The following GPHN variants were observed in gnomAD, a reference collection of about 807,000 sequenced individuals.
The protein encoded by GPHN is gephyrin.
In GPHN, 17 loss-of-function variants were observed where a neutral mutation model predicts 95.5. The ratio of observed to expected loss-of-function variants is 0.18; its 90% CI spans 0.12 to 0.27. GPHN has a LOEUF of 0.27. GPHN is among the 10% of genes least tolerant of loss of function. The probability of loss-of-function intolerance (pLI) is 1.00; values close to 1 mark genes in which losing one functional copy is unlikely to be tolerated. For synonymous variants in GPHN, 320 were observed against 322.5 expected, an observed-to-expected ratio of 0.99 and a Z score of 0.08; for missense variants, 660 against 978.1, an observed-to-expected ratio of 0.67 and a Z score of 4.34.
chr14:66,948,365 A>ATT (rs1491304823), intron 8 of GPHN, among the ~76,000 whole-genome samples: 1 of 152,178 alleles, frequency 6.6e-6, no homozygotes, highest in Non-Finnish European at 1.5e-5. Flanking sequence ...GTCATACTTC[A>ATT]TATGTTTGCC....
the GPHN span, among the ~76,000 whole-genome samples, chr14:67,601,048 C>T: frequency 1.4e-4 from 21 of 152,160 alleles, no homozygotes; most frequent in African/African-American, 4.6e-4. Flanking sequence ...AGTCTCTGCC[C>T]TCGGGCAGCT....
intron 21 of GPHN, among the ~76,000 whole-genome samples, chr14:67,177,634 G>A (rs1274330970): frequency 6.6e-6 from 1 of 152,166 alleles, no homozygotes; most frequent in Non-Finnish European, 1.5e-5. Context: ...GGATATCCTT[G>A]TTACTTTTCT....
chr14:67,147,772 G>A (rs921433921), intron 18 of GPHN, among the ~76,000 whole-genome samples: 3 of 152,096 alleles, frequency 2.0e-5, no homozygotes, highest in African/African-American at 4.8e-5. Flanking sequence ...GGAACTTCCC[G>A]TAAAGCAAAC....
the GPHN span, chr14:67,692,361 G>A: frequency 6.7e-7 from 1 of 1,501,748 alleles, no homozygotes; most frequent in Non-Finnish European, 9.1e-7. Context: ...ATGAGGAAGA[G>A]GGACCTTTTC....
intron 2 of GPHN, among the ~76,000 whole-genome samples, chr14:66,698,980 A>G (rs1395896894): frequency 6.6e-6 from 1 of 152,156 alleles, no homozygotes; most frequent in Non-Finnish European, 1.5e-5. Flanking sequence ...AAGTTTATTG[A>G]CCCGTGGTGT....
chr14:67,722,146 C>T, the GPHN span, among the ~76,000 whole-genome samples: 1 of 152,184 alleles, frequency 6.6e-6, no homozygotes, highest in Non-Finnish European at 1.5e-5. Context: ...GTTAACTGCT[C>T]TTCTGACGTC....
At chr14:67,657,363 G>A in the GPHN span, among the ~76,000 whole-genome samples, 1 of 152,186 alleles carries the variant, frequency 6.6e-6, no homozygotes. Context: ...CTGCCACACT[G>A]GGGGTGATTT....
chr14:67,227,986 A>G, the GPHN span, among the ~76,000 whole-genome samples: 1 of 152,136 alleles, frequency 6.6e-6, no homozygotes, highest in African/African-American at 2.4e-5. Flanking sequence ...CCTGGCCAAC[A>G]TGGTGAAACC....
chr14:67,393,208 G>A, the GPHN span: 28 of 1,613,946 alleles, frequency 1.7e-5, no homozygotes, highest in Middle Eastern at 1.7e-4. Flanking sequence ...AACGGATTCC[G>A]GTGTTGCTAT....
At chr14:66,666,950 G>A (rs896178977) in intron 1 of GPHN, among the ~76,000 whole-genome samples, 5 of 152,210 alleles carry the variant, frequency 3.3e-5, no homozygotes, top group Admixed American at 6.5e-5. Context: ...CTCAGGATAC[G>A]CAATTAATGT....
chr14:67,063,646 C>A (rs1384770282), intron 11 of GPHN, among the ~76,000 whole-genome samples: 2 of 152,228 alleles, frequency 1.3e-5, no homozygotes, highest in Non-Finnish European at 2.9e-5. Flanking sequence ...AGGTCCTTCA[C>A]ATCCCTTGTA....
chr14:66,670,322 A>C (rs1677634564), intron 1 of GPHN, among the ~76,000 whole-genome samples: 1 of 152,208 alleles, frequency 6.6e-6, no homozygotes, highest in Non-Finnish European at 1.5e-5. Context: ...GTAGAACTTG[A>C]GTTTTAATAT....
In GPHN at chr14:66,683,374, A is replaced by ATATGTTCATATATATG. The variant is rs2067104192; in HGVS notation, c.143+2192_143+2193insGTTCATATATATGTAT. 4.1e-5 allele frequency among the ~76,000 whole-genome samples: 5 copies of ATATGTTCATATATATG among 121,634 alleles called. 1 individual carries two copies. Among genetic ancestry groups the ATATGTTCATATATATG allele is most frequent in the African/African-American group, 1.9e-4 (5 of 26,726 alleles). 79.8% of individuals were successfully genotyped at this position (121,634 alleles called of 152,430 possible). On this transcript the variant is annotated intron_variant, in intron 2 of 22. Transcript: ENST00000478722. ...TATATATATATATATATATATATATATATATGTTCATATATATATGTTCAT... is the reference window on the plus strand; with the variant it reads ...TATATATATATATATATATATATATATATGTTCATATATATGTATATGTTCATATATATATGTTCAT...
the GPHN span, chr14:67,446,950 G>A: frequency 3.9e-5 from 6 of 152,220 alleles, no homozygotes; most frequent in South Asian, 2.1e-4. Flanking sequence ...CAGTGGCAGG[G>A]TTGGGTAGTC....
chr14:66,609,409 G>A (rs2062688362), intron 1 of GPHN, among the ~76,000 whole-genome samples: 1 of 152,060 alleles, frequency 6.6e-6, no homozygotes, highest in Non-Finnish European at 1.5e-5. Context: ...TGAATCTGAT[G>A]TCTGTGTGTC....
At chr14:67,142,913 G>C (rs2080573977) in intron 17 of GPHN, 1 of 216,886 alleles carries the variant, frequency 4.6e-6, no homozygotes, top group Non-Finnish European at 9.2e-6. Flanking sequence ...TCTGAATCCA[G>C]CTCATTTCTC....
chr14:66,740,060 T>C (rs1269844266), intron 2 of GPHN, among the ~76,000 whole-genome samples: 1 of 152,078 alleles, frequency 6.6e-6, no homozygotes, highest in Non-Finnish European at 1.5e-5. Flanking sequence ...AAAGAAATTA[T>C]TGAGAATTTA....
the GPHN span, among the ~76,000 whole-genome samples, chr14:67,479,927 A>AC: frequency 7.9e-5 from 12 of 151,992 alleles, no homozygotes; most frequent in Admixed American, 5.2e-4. Flanking sequence ...AAGTTCAGGG[A>AC]CCCCAGATGA....
intron 11 of GPHN, among the ~76,000 whole-genome samples, chr14:67,077,060 G>A (rs1458764267): frequency 6.6e-6 from 1 of 152,144 alleles, no homozygotes; most frequent in Non-Finnish European, 1.5e-5. Context: ...AAGCCTTTCA[G>A]TTCTTCTAAC....
Sources: gnomAD v4.1 joint callset for allele counts (sites outside exome capture counted in the v4.1 genomes callset) on GRCh38, gnomAD v4.1.1 for gene constraint, MANE v1.5 for transcripts, NCBI Gene and HGNC (gene_info 2026-07-23, HGNC 2026-07-21) for gene names.